PCMTD1: variants seen among roughly 807,000 people sequenced by gnomAD.
PCMTD1 encodes the protein protein-L-isoaspartate (D-aspartate) O-methyltransferase domain containing 1.
PCMTD1 carries 12 observed loss-of-function variants against 37.6 expected under a neutral mutation model. That is an observed-to-expected ratio of 0.32 (90% CI 0.20 to 0.52). The LOEUF (loss-of-function observed/expected upper bound fraction) is 0.52. PCMTD1 is among the 20% of genes least tolerant of loss of function. The pLI, the probability that PCMTD1 is intolerant of heterozygous loss-of-function variation, is 0.97. For synonymous variants in PCMTD1, 117 were observed against 135.8 expected (o/e 0.86, Z 0.96); for missense variants, 235 against 421.3 (o/e 0.56, Z 3.87).
At chr8:51,872,707 C>A (rs2038656260) in intron 1 of PCMTD1, among the ~76,000 whole-genome samples, 1 of 152,104 alleles carries the variant, frequency 6.6e-6, no homozygotes, top group Admixed American at 6.5e-5. Flanking sequence ...TAAGAATATT[C>A]CAAAGCAAAA....
chr8:51,852,948 A>C (rs981640265), intron 2 of PCMTD1, among the ~76,000 whole-genome samples: 2 of 152,214 alleles, frequency 1.3e-5, no homozygotes, highest in Non-Finnish European at 1.5e-5. Context: ...GAGAAGAAAC[A>C]GGATGCAGGC....
At chr8:51,866,160 A>G (rs1474653705) in intron 1 of PCMTD1, among the ~76,000 whole-genome samples, 1 of 152,020 alleles carries the variant, frequency 6.6e-6, no homozygotes, top group Non-Finnish European at 1.5e-5. Context: ...AAATGTAGAA[A>G]ACACAAATAA....
intron 5 of PCMTD1, 110 bp downstream of exon 5, chr8:51,831,334 C>A: frequency 7.5e-6 from 8 of 1,061,126 alleles, no homozygotes; most frequent in East Asian, 2.8e-5. Flanking sequence ...CACCAAATAT[C>A]TTACTGCATA....
At chr8:51,867,938 ATC>A (rs2038582202) in intron 1 of PCMTD1, among the ~76,000 whole-genome samples, 1 of 152,144 alleles carries the variant, frequency 6.6e-6, no homozygotes, top group Non-Finnish European at 1.5e-5. Context: ...GCACTGTGTT[ATC>A]TGTGATTGCT....
rs116093968 is a variant in PCMTD1, at chr8:51,846,510, C to T, written c.308-747G>A. Among the ~76,000 whole-genome samples, 601 of 152,290 alleles carry T rather than the reference C, an allele frequency of 3.9e-3. 3 individuals are homozygous for T. The highest frequency in any genetic ancestry group is 0.014 in the African/African-American group (566 of 41,560). ...CATACATACTAACCTGCCCCATGAC[C>T]CACATGAGAATATAACACACAAATT... On this transcript the variant is annotated intron_variant, in intron 2 of 5. Coordinates refer to ENST00000522514, the MANE Select transcript of PCMTD1 (RefSeq NM_052937.4).
At chr8:51,883,759 A>G (rs2038825722) in intron 1 of PCMTD1, among the ~76,000 whole-genome samples, 1 of 152,230 alleles carries the variant, frequency 6.6e-6, no homozygotes, top group Non-Finnish European at 1.5e-5. Context: ...TTACTGTGAC[A>G]AAAGCAACAA....
intron 1 of PCMTD1, among the ~76,000 whole-genome samples, chr8:51,878,847 T>C (rs192377189): frequency 2.2e-3 from 332 of 148,216 alleles, no homozygotes; most frequent in African/African-American, 7.7e-3. Flanking sequence ...CTTTTAAAAC[T>C]ATGAGTAAGG....
At chr8:51,832,781 T>C (rs1023294879) in intron 4 of PCMTD1, among the ~76,000 whole-genome samples, 1 of 151,742 alleles carries the variant, frequency 6.6e-6, no homozygotes, top group African/African-American at 2.4e-5. Flanking sequence ...TCGGTACTAA[T>C]GAAGATTTTT....
chr8:51,874,545 T>G (rs2038685370), intron 1 of PCMTD1, among the ~76,000 whole-genome samples: 1 of 152,194 alleles, frequency 6.6e-6, no homozygotes, highest in Non-Finnish European at 1.5e-5. Flanking sequence ...AATAAATTCA[T>G]AAAACTAAAG....
At chr8:51,844,087 A>G (rs1370424805) in intron 3 of PCMTD1, among the ~76,000 whole-genome samples, 3 of 152,210 alleles carry the variant, frequency 2.0e-5, no homozygotes, top group Non-Finnish European at 4.4e-5. Context: ...AAATACATTC[A>G]TGACTGCATC....
rs906346774 is a variant in PCMTD1, at chr8:51,899,010, A to T, written c.-176T>A. The T allele has an allele frequency of 1.3e-6, 2 of 1,513,006 alleles. No homozygotes were observed. Among genetic ancestry groups the T allele is most frequent in the Admixed American group, 4.1e-5 (2 of 48,244 alleles). 93.7% of individuals were successfully genotyped at this position (1,513,006 alleles called of 1,614,324 possible). ...GCAGCCAGACGCCGCTACCACCACA[A>T]TAACAACACGGACGCCACCGCCGAG... On this transcript the variant is annotated 5_prime_UTR_variant, in exon 1 of 6. The change creates a new upstream start codon in the 5' untranslated region. Transcript: ENST00000522514.
chr8:51,852,063 T>C (rs550586012), intron 2 of PCMTD1, among the ~76,000 whole-genome samples: 6 of 152,196 alleles, frequency 3.9e-5, no homozygotes, highest in South Asian at 4.1e-4. Context: ...AGCATGGTGA[T>C]AGATTCACAT....
At chr8:51,857,754 T>A (rs890792142) in intron 2 of PCMTD1, among the ~76,000 whole-genome samples, 1 of 152,202 alleles carries the variant, frequency 6.6e-6, no homozygotes, top group African/African-American at 2.4e-5. Flanking sequence ...CAGGAGTTGA[T>A]CTATTCTCCA....
chr8:51,883,538 C>A (rs2038822155), intron 1 of PCMTD1, among the ~76,000 whole-genome samples: 1 of 152,110 alleles, frequency 6.6e-6, no homozygotes, highest in Admixed American at 6.6e-5. Flanking sequence ...GTAAATCTCA[C>A]AAAAGAGTAA....
chr8:51,882,382 G>C (rs754538270), intron 1 of PCMTD1, among the ~76,000 whole-genome samples: 4 of 152,310 alleles, frequency 2.6e-5, no homozygotes, highest in Admixed American at 6.5e-5. Context: ...ATGGGGTAGG[G>C]GGCGGTCAGG....
intron 1 of PCMTD1, among the ~76,000 whole-genome samples, chr8:51,893,727 C>G (rs530403127): frequency 5.0e-4 from 76 of 152,238 alleles, no homozygotes; most frequent in African/African-American, 1.8e-3. Context: ...ACCTTATAAT[C>G]TGAAAACAAT....
At chr8:51,850,189 C>G (rs1228613137) in intron 2 of PCMTD1, 2 of 661,990 alleles carry the variant, frequency 3.0e-6, no homozygotes, top group Non-Finnish European at 5.4e-6. Flanking sequence ...ACTGTAAGAC[C>G]GGTTCCCACT....
At chr8:51,837,413 T>C (rs1585797366) in intron 3 of PCMTD1, among the ~76,000 whole-genome samples, 1 of 152,232 alleles carries the variant, frequency 6.6e-6, no homozygotes, top group South Asian at 2.1e-4. Context: ...TGGAAAGATA[T>C]AAATAAAATT....
chr8:51,847,891 A>G (rs1376134034), intron 2 of PCMTD1, among the ~76,000 whole-genome samples: 3 of 150,790 alleles, frequency 2.0e-5, no homozygotes, highest in African/African-American at 7.3e-5. Context: ...CAGCCTGGGC[A>G]ACATGGCAAG....
Sources: gnomAD v4.1 joint callset for allele counts (sites outside exome capture counted in the v4.1 genomes callset) on GRCh38, gnomAD v4.1.1 for gene constraint, MANE v1.5 for transcripts, NCBI Gene and HGNC (gene_info 2026-07-23, HGNC 2026-07-21) for gene names.